LSR: variants seen among roughly 807,000 people sequenced by gnomAD.
The protein encoded by LSR is lipolysis stimulated lipoprotein receptor, also known as lipolysis-stimulated lipoprotein receptor.
In LSR, 44 loss-of-function variants were observed where a neutral mutation model predicts 61.8. The observed-to-expected ratio is 0.71, with a 90% CI of 0.56 to 0.91. The LOEUF (loss-of-function observed/expected upper bound fraction) is 0.91, where lower values mean the gene tolerates loss of function less well. Ranked by LOEUF, LSR falls within the 40% of genes least tolerant of loss-of-function variation. The probability of loss-of-function intolerance (pLI) is 0.00; values close to 1 mark genes in which losing one functional copy is unlikely to be tolerated. For missense variants in LSR, 911 were observed against 830.5 expected, an observed-to-expected ratio of 1.10 and a Z score of -1.19; for synonymous variants, 397 against 350.6, an observed-to-expected ratio of 1.13 and a Z score of -1.48.
chr19:35,250,539 T>A lies in LSR; in HGVS notation c.334T>A (p.Tyr112Asn). Residue 112 changes from tyrosine to asparagine, a missense_variant, in exon 2 of 10, where the codon TAC becomes AAC. Transcript: ENST00000605618. ...NAQLAAGNPG[Y>N]NPYVECQDSV... ...CCAGCTGGCAGCCGGGAACCCAGGC[T>A]ACAACCCCTACGTTGAGTGCCAGGA... The A allele has an allele frequency of 6.2e-7, 1 of 1,614,116 alleles. No homozygotes were observed. The highest frequency in any genetic ancestry group is 8.5e-7 in the Non-Finnish European group (1 of 1,180,024).
intron 2 of LSR, among the ~76,000 whole-genome samples, chr19:35,254,605 A>G (rs2065834438): frequency 6.6e-6 from 1 of 152,190 alleles, no homozygotes; most frequent in African/African-American, 2.4e-5. Context: ...CAGAGAGCCC[A>G]TGGGACCTCT....
intron 2 of LSR, chr19:35,251,338 G>A (rs1268853062): frequency 6.6e-6 from 1 of 152,204 alleles, no homozygotes; most frequent in Non-Finnish European, 1.5e-5. Flanking sequence ...GCCAGGGTTT[G>A]TTCTATAATC....
intron 3 of LSR, among the ~76,000 whole-genome samples, chr19:35,261,521 T>C (rs889538355): frequency 6.6e-6 from 1 of 152,180 alleles, no homozygotes; most frequent in African/African-American, 2.4e-5. Flanking sequence ...CACTCCAGAC[T>C]GGGCGACAGA....
chr19:35,261,964 A>G lies in LSR; in HGVS notation c.614A>G (p.Gln205Arg). ...SGVAELLPGF[Q>R]AGPIEDWLFV... ...GTGGCTGAGCTCTTACCTGGTTTTCAGGCGGGGCCCATAGAAGGTACGGGG... is the reference window on the plus strand; with the variant it reads ...GTGGCTGAGCTCTTACCTGGTTTTCGGGCGGGGCCCATAGAAGGTACGGGG... Residue 205 changes from glutamine to arginine, a missense_variant, in exon 4 of 10, where the codon CAG (glutamine) becomes CGG (arginine). Gln to Arg is a conservative substitution (Grantham distance 43). Coordinates refer to ENST00000605618, the MANE Select transcript of LSR (RefSeq NM_205834.4). 6.7e-7 allele frequency: 1 copy of G among 1,501,616 alleles called. No homozygotes were observed. Among genetic ancestry groups the G allele is most frequent in the Non-Finnish European group, 8.8e-7 (1 of 1,134,922 alleles). 93.0% of individuals were successfully genotyped at this position (1,501,616 alleles called of 1,614,324 possible).
chr19:35,267,694 A>G lies in LSR; in HGVS notation c.1730A>G (p.Glu577Gly), dbSNP rs753960927. The change falls in exon 9 of 10, where the codon GAG becomes GGG. Residue 577 changes from glutamate to glycine, a missense_variant. Transcript: ENST00000605618. Reference sequence around the variant, plus strand: ...CCGCCCGCGCCGCCCCCGTACTCGGAGACCGACTCGCAGGCGTCCCGAGAG... The same window carrying G: ...CCGCCCGCGCCGCCCCCGTACTCGGGGACCGACTCGCAGGCGTCCCGAGAG... ...YYPPAPPPYS[E>G]TDSQASRERR... 1 of 1,602,898 alleles carries G rather than the reference A, an allele frequency of 6.2e-7. No individual in the cohort carries two copies. Among genetic ancestry groups the G allele is most frequent in the Admixed American group, 1.7e-5 (1 of 57,372 alleles).
rs903481858 is a variant in LSR, at chr19:35,267,960, C to A, written c.*101C>A. On this transcript the variant is annotated 3_prime_UTR_variant, in exon 10 of 10. Coordinates refer to ENST00000605618, the MANE Select transcript of LSR (RefSeq NM_205834.4). The stretch of plus-strand genomic sequence containing the variant: ...TCCCGAGTCTAATAAAACGTATAAT[C>A]ACAAGCTCTGGAGAGAACCATTTGT... 4.2e-6 allele frequency: 6 copies of A among 1,416,850 alleles called. No homozygotes were observed. The highest frequency in any genetic ancestry group is 1.2e-5 in the South Asian group (1 of 86,654). The allele number at this position is 1,416,850 out of a possible 1,614,324, so 87.8% of individuals were successfully genotyped here. A position where few individuals can be genotyped will look rare whatever the true frequency, so the allele number is the denominator to read the frequency against.
chr19:35,260,099 C>G (rs1247544151), intron 3 of LSR, among the ~76,000 whole-genome samples: 2 of 152,170 alleles, frequency 1.3e-5, no homozygotes, highest in Admixed American at 6.5e-5. Flanking sequence ...AACACGTGCA[C>G]CAGTGACCCA....
At chr19:35,265,293 A>G (rs1003761581) in intron 5 of LSR, among the ~76,000 whole-genome samples, 2 of 152,138 alleles carry the variant, frequency 1.3e-5, no homozygotes, top group African/African-American at 4.8e-5. Context: ...CCAATGCCAC[A>G]TTCCCCTGTC....
chr19:35,265,350 G>A (rs1022276777), intron 5 of LSR, among the ~76,000 whole-genome samples: 6 of 152,156 alleles, frequency 3.9e-5, no homozygotes, highest in Non-Finnish European at 7.4e-5. Flanking sequence ...CCCCAACCCA[G>A]GGCCCCATTA....
rs755436260 is a variant in LSR, at chr19:35,266,436, G to A, written c.856G>A (p.Ala286Thr). 3.7e-6 allele frequency: 6 copies of A among 1,612,168 alleles called. No homozygotes were observed. The highest frequency in any genetic ancestry group is 2.2e-5 in the South Asian group (2 of 90,818). The change falls in exon 6 of 10, where the codon GCC (alanine) becomes ACC (threonine). Residue 286 changes from alanine (A) to threonine (T), a missense_variant. Physicochemically the swap from Ala to Thr is moderately conservative, Grantham distance 58. Coordinates refer to ENST00000605618, the MANE Select transcript of LSR (RefSeq NM_205834.4). ...APSTYAHLSP[A>T]KTPPPPAMIP... ...CAGCACCTATGCCCACCTGTCTCCC[G>A]CCAAGACCCCACCCCCACCAGCTAT...
In LSR at chr19:35,250,561, A is replaced by G; in HGVS notation, c.356A>G (p.Gln119Arg). 6.2e-7 allele frequency: 1 copy of G among 1,613,852 alleles called. No homozygotes were observed. The highest frequency in any genetic ancestry group is 8.5e-7 in the Non-Finnish European group (1 of 1,179,822). Residue 119 changes from glutamine to arginine, a missense_variant, in exon 2 of 10, where the codon CAG (glutamine) becomes CGG (arginine). Physicochemically the swap from Gln to Arg is conservative, Grantham distance 43. Transcript: ENST00000605618. ...GGCTACAACCCCTACGTTGAGTGCCAGGACAGCGTGCGCACCGTCAGGGTC... is the reference window on the plus strand; with the variant it reads ...GGCTACAACCCCTACGTTGAGTGCCGGGACAGCGTGCGCACCGTCAGGGTC... ...NPGYNPYVEC[Q>R]DSVRTVRVVA...
chr19:35,259,000 C>T lies in LSR; in HGVS notation c.510C>T (p.Cys170=). Residue 170 remains cysteine (C), a synonymous_variant, in exon 3 of 10, where the codon TGC becomes TGT. Transcript: ENST00000605618. Reference sequence around the variant, plus strand: ...GGGGGGACAGTGGTGTGTATTACTGCTCCGTGGTCTCAGCCCAGGACCTCC... The same window carrying T: ...GGGGGGACAGTGGTGTGTATTACTGTTCCGTGGTCTCAGCCCAGGACCTCC... ...TAWGDSGVYY[C]SVVSAQDLQG... 6.2e-7 allele frequency: 1 copy of T among 1,614,108 alleles called. No homozygotes were observed. The highest frequency in any genetic ancestry group is 8.5e-7 in the Non-Finnish European group (1 of 1,180,002).
chr19:35,250,075 C>T (rs905936957), intron 1 of LSR, among the ~76,000 whole-genome samples: 1 of 152,026 alleles, frequency 6.6e-6, no homozygotes, highest in Non-Finnish European at 1.5e-5. Flanking sequence ...AGAGGGATGG[C>T]GGGCGAGTCC....
rs61744843 is a variant in LSR, at chr19:35,250,472, C to T, written c.267C>T (p.Ala89=). The part of the protein sequence containing the change: ...KYKSFCRDRI[A]DAFSPASVDN... The stretch of plus-strand genomic sequence containing the variant: ...AGTCTTTCTGCCGGGACCGCATCGC[C>T]GATGCCTTCTCCCCGGCCAGCGTCG... Residue 89 remains alanine (A), a synonymous_variant, in exon 2 of 10, where the codon GCC becomes GCT. Coordinates refer to ENST00000605618, the MANE Select transcript of LSR (RefSeq NM_205834.4). 6.9e-3 allele frequency: 11,100 copies of T among 1,614,072 alleles called. 342 individuals are homozygous for T. The East Asian group carries it at 0.091, about 13-fold the overall frequency.
chr19:35,264,648 C>T (rs549066777), intron 5 of LSR: 1 of 152,298 alleles, frequency 6.6e-6, no homozygotes, highest in East Asian at 1.9e-4. Context: ...CCAGGCAATC[C>T]TTGCAAGCAT....
At position 35,266,968 on chromosome 19, in the gene LSR, G is replaced by A. The variant is rs1191837657; in HGVS notation, c.1144+1G>A. Reference sequence around the variant, plus strand: ...CCCCCCAGTGGCCGTGTGGAGCGGGGTAAGCAGGAGCCTTGGGGTCTGAGG... The same window carrying A: ...CCCCCCAGTGGCCGTGTGGAGCGGGATAAGCAGGAGCCTTGGGGTCTGAGG... On this transcript the variant is annotated splice_donor_variant, in intron 8 of 9. Transcript: ENST00000605618. LOFTEE classifies it high-confidence loss of function. The A allele has an allele frequency of 6.2e-7, 1 of 1,609,942 alleles. No homozygotes were observed. The highest frequency in any genetic ancestry group is 8.5e-7 in the Non-Finnish European group (1 of 1,178,074).
At chr19:35,253,564 G>A (rs2065821671) in intron 2 of LSR, 2 of 152,530 alleles carry the variant, frequency 1.3e-5, no homozygotes, top group African/African-American at 4.8e-5. Flanking sequence ...TCCCTTTGCA[G>A]ACCCCAAGAA....
Position 35,250,617 on chromosome 19 carries a change from C to T in LSR, c.412C>T (p.Leu138=), listed in dbSNP as rs1487064932. ...VATKQGNAVT[L]GDYYQGRRIT... ...CACCAAGCAGGGCAACGCTGTGACCCTGGGAGATTACTACCAGGGCCGGAG... is the reference window on the plus strand; with the variant it reads ...CACCAAGCAGGGCAACGCTGTGACCTTGGGAGATTACTACCAGGGCCGGAG... The change falls in exon 2 of 10, where the codon CTG becomes TTG. Residue 138 remains leucine, a synonymous_variant. Transcript: ENST00000605618. 3 of 1,591,436 alleles carry T rather than the reference C, an allele frequency of 1.9e-6. No individual in the cohort carries two copies. Among genetic ancestry groups the T allele is most frequent in the South Asian group, 1.1e-5 (1 of 89,338 alleles).
Position 35,267,642 on chromosome 19 carries a change from A to G in LSR, c.1678A>G (p.Lys560Glu), listed in dbSNP as rs774935243. The G allele has an allele frequency of 9.3e-6, 15 of 1,610,878 alleles. No individual in the cohort carries two copies. Among genetic ancestry groups the G allele is most frequent in the Middle Eastern group, 1.7e-4 (1 of 6,046 alleles). ...KGSEERRRPH[K>E]EEEEEAYYPP... is the part of the protein sequence containing the mutation. ...GTCGGAGGAGAGGAGGAGACCCCAC[A>G]AGGAGGAGGAGGAAGAGGCCTACTA... Residue 560 changes from lysine to glutamate, a missense_variant, in exon 9 of 10, where the codon AAG (lysine) becomes GAG (glutamate). Physicochemically the swap from Lys to Glu is moderately conservative, Grantham distance 56. Transcript: ENST00000605618.
Sources: gnomAD v4.1 joint callset for allele counts (sites outside exome capture counted in the v4.1 genomes callset) on GRCh38, gnomAD v4.1.1 for gene constraint, MANE v1.5 for transcripts, NCBI Gene and HGNC (gene_info 2026-07-23, HGNC 2026-07-21) for gene names.